The following SPMAP2L variants were observed in gnomAD, a reference collection of about 807,000 sequenced individuals.
SPMAP2L encodes sperm microtubule associated protein 2-like.
chr4:56,604,349 C>T, the SPMAP2L span, among the ~76,000 whole-genome samples: 6 of 152,030 alleles, frequency 3.9e-5, no homozygotes, highest in Non-Finnish European at 8.8e-5. Flanking sequence ...ATATTTGAAA[C>T]AAAAATTTTT....
At chr4:56,602,232 T>C in the SPMAP2L span, among the ~76,000 whole-genome samples, 4 of 152,092 alleles carry the variant, frequency 2.6e-5, no homozygotes, top group African/African-American at 9.7e-5. Flanking sequence ...TTTTAAAGCA[T>C]CAATAGCAAA....
At chr4:56,561,626 C>A in the SPMAP2L span, among the ~76,000 whole-genome samples, 1 of 152,088 alleles carries the variant, frequency 6.6e-6, no homozygotes, top group African/African-American at 2.4e-5. Flanking sequence ...CACTCACTAC[C>A]GAGAATGGCA....
chr4:56,600,942 T>C, the SPMAP2L span: 2 of 1,534,044 alleles, frequency 1.3e-6, no homozygotes, highest in Non-Finnish European at 1.7e-6. Context: ...AGGTACCTCC[T>C]GCTGCCATGA....
chr4:56,620,075 C>G, the SPMAP2L span, among the ~76,000 whole-genome samples: 17 of 152,206 alleles, frequency 1.1e-4, no homozygotes, highest in Non-Finnish European at 1.9e-4. Context: ...TTCAAAGTCT[C>G]TCACTGGGCA....
chr4:56,602,548 T>G, the SPMAP2L span, among the ~76,000 whole-genome samples: 76 of 152,110 alleles, frequency 5.0e-4, no homozygotes, highest in African/African-American at 1.7e-3. Flanking sequence ...CAAAAAAGTT[T>G]GCTGGGCATA....
chr4:56,589,523 C>T, the SPMAP2L span, among the ~76,000 whole-genome samples: 5 of 152,044 alleles, frequency 3.3e-5, no homozygotes, highest in South Asian at 4.1e-4. Context: ...TTGCTTTTGG[C>T]ACTATGGTCG....
the SPMAP2L span, chr4:56,559,497 T>C: frequency 6.5e-7 from 1 of 1,528,808 alleles, no homozygotes; most frequent in Non-Finnish European, 8.7e-7. Flanking sequence ...CCAAGGAAGT[T>C]TCCTGCCACT....
chr4:56,591,772 A>G, the SPMAP2L span, among the ~76,000 whole-genome samples: 4 of 152,224 alleles, frequency 2.6e-5, no homozygotes, highest in African/African-American at 9.7e-5. Context: ...CACAATTCAG[A>G]TAGTGAAGAA....
At chr4:56,573,454 A>G in the SPMAP2L span, among the ~76,000 whole-genome samples, 1 of 151,424 alleles carries the variant, frequency 6.6e-6, no homozygotes, top group Non-Finnish European at 1.5e-5. Flanking sequence ...TCTATCTCTC[A>G]CTCACTGCTT....
At chr4:56,584,604 C>CA in the SPMAP2L span, 2 of 1,533,124 alleles carry the variant, frequency 1.3e-6, no homozygotes, top group African/African-American at 2.7e-5. Context: ...TATCATCCTT[C>CA]AAAAAAAGTA....
At chr4:56,563,370 C>T in the SPMAP2L span, among the ~76,000 whole-genome samples, 1 of 151,374 alleles carries the variant, frequency 6.6e-6, no homozygotes, top group African/African-American at 2.4e-5. Context: ...TCCCAAAGTG[C>T]TGGGATTACA....
chr4:56,602,824 T>C, the SPMAP2L span, among the ~76,000 whole-genome samples: 3,550 of 152,304 alleles, frequency 0.023, 131 homozygotes, highest in African/African-American at 0.078. Context: ...TTCAAAAATT[T>C]TATTTTCTTA....
At chr4:56,617,109 A>AT in the SPMAP2L span, among the ~76,000 whole-genome samples, 1 of 152,070 alleles carries the variant, frequency 6.6e-6, no homozygotes, top group Non-Finnish European at 1.5e-5. Flanking sequence ...TCACTAGGTG[A>AT]TTTTGTCATT....
At chr4:56,604,966 G>T in the SPMAP2L span, among the ~76,000 whole-genome samples, 1 of 152,156 alleles carries the variant, frequency 6.6e-6, no homozygotes, top group African/African-American at 2.4e-5. Flanking sequence ...GGATGCAAAG[G>T]CGTAAGAATG....
chr4:56,579,292 C>T, the SPMAP2L span, among the ~76,000 whole-genome samples: 1 of 152,044 alleles, frequency 6.6e-6, no homozygotes, highest in African/African-American at 2.4e-5. Flanking sequence ...AAATTGGAAA[C>T]TGATAGCAGA....
chr4:56,530,684 A>G, the SPMAP2L span: 13 of 1,534,382 alleles, frequency 8.5e-6, no homozygotes, highest in Admixed American at 2.2e-4. Context: ...CGAATGGAGA[A>G]CCAAGAGTTT....
the SPMAP2L span, among the ~76,000 whole-genome samples, chr4:56,603,921 A>T: frequency 6.6e-6 from 1 of 152,214 alleles, no homozygotes; most frequent in African/African-American, 2.4e-5. Flanking sequence ...CTCATGCCAG[A>T]GTCACTTACC....
At chr4:56,570,677 A>G in the SPMAP2L span, among the ~76,000 whole-genome samples, 1 of 152,214 alleles carries the variant, frequency 6.6e-6, no homozygotes, top group Non-Finnish European at 1.5e-5. Flanking sequence ...CCAGGACATG[A>G]CTGCATGCTA....
the SPMAP2L span, among the ~76,000 whole-genome samples, chr4:56,625,588 G>A: frequency 6.6e-6 from 1 of 152,166 alleles, no homozygotes; most frequent in Non-Finnish European, 1.5e-5. Flanking sequence ...TCTCATGATA[G>A]TGAATAAGTG....
Sources: gnomAD v4.1 joint callset for allele counts (sites outside exome capture counted in the v4.1 genomes callset) on GRCh38, gnomAD v4.1.1 for gene constraint, MANE v1.5 for transcripts, NCBI Gene and HGNC (gene_info 2026-07-23, HGNC 2026-07-21) for gene names.